The following NSD3 variants were observed in gnomAD, a reference collection of about 807,000 sequenced individuals.
NSD3 encodes the protein histone-lysine N-methyltransferase NSD3.
Under a neutral mutation model 160.8 loss-of-function variants are expected in NSD3, and 24 were observed. The observed-to-expected ratio is 0.15, with a 90% confidence interval of 0.11 to 0.21. The LOEUF (loss-of-function observed/expected upper bound fraction) is 0.21, where lower values mean the gene tolerates loss of function less well. NSD3 is among the 10% of genes least tolerant of loss of function. The probability of loss-of-function intolerance (pLI) is 1.00; values close to 1 mark genes in which losing one functional copy is unlikely to be tolerated. For missense variants in NSD3, 1,157 were observed against 1,735.9 expected, an observed-to-expected ratio of 0.67 and a Z score of 5.93; for synonymous variants, 520 against 600.0, an observed-to-expected ratio of 0.87 and a Z score of 1.95.
intron 1 of NSD3, among the ~76,000 whole-genome samples, chr8:38,375,273 A>G (rs1051604785): frequency 6.6e-6 from 1 of 152,194 alleles, no homozygotes; most frequent in African/African-American, 2.4e-5. Flanking sequence ...ATTAAATATT[A>G]GAAGGGGGAA....
chr8:38,329,933 A>G lies in NSD3; in HGVS notation c.1066-40T>C. ...GAGATTATCAGACATGCTTTACTCTAATAGGTACATTAAAATTGATATGTA... is the reference window on the plus strand; with the variant it reads ...GAGATTATCAGACATGCTTTACTCTGATAGGTACATTAAAATTGATATGTA... On this transcript the variant is annotated intron_variant, in intron 5 of 23. Coordinates refer to ENST00000317025, the MANE Select transcript of NSD3 (RefSeq NM_023034.2). This position sits in a 1 kb window ranked among gnomAD's most constrained non-coding sequence, Gnocchi z 4.8. 1 of 1,515,464 alleles carries G rather than the reference A, an allele frequency of 6.6e-7. No homozygotes were observed. Among genetic ancestry groups the G allele is most frequent in the East Asian group, 2.3e-5 (1 of 44,184 alleles). 93.9% of individuals were successfully genotyped at this position (1,515,464 alleles called of 1,614,324 possible). A position where few individuals can be genotyped will look rare whatever the true frequency, so the allele number is the denominator to read the frequency against.
At chr8:38,352,179 C>T (rs907434706) in intron 1 of NSD3, among the ~76,000 whole-genome samples, 2 of 152,080 alleles carry the variant, frequency 1.3e-5, no homozygotes, top group African/African-American at 4.8e-5. Context: ...AAACAAATAA[C>T]CCCAAACAGC....
At chr8:38,299,649 G>GA (rs1809236383) in intron 14 of NSD3, 59 bp from the exon 15 acceptor site, 2 of 1,443,526 alleles carry the variant, frequency 1.4e-6, no homozygotes, top group Non-Finnish European at 1.8e-6. Flanking sequence ...ATTCCATGAG[G>GA]AAAAAATAAA....
intron 14 of NSD3, among the ~76,000 whole-genome samples, chr8:38,300,080 A>G (rs2131005012): frequency 6.6e-6 from 1 of 152,194 alleles, no homozygotes; most frequent in African/African-American, 2.4e-5. Context: ...ATCTTCAGAC[A>G]TACTCAAAGA....
intron 14 of NSD3, among the ~76,000 whole-genome samples, chr8:38,301,143 G>C (rs893756536): frequency 6.6e-6 from 1 of 151,978 alleles, no homozygotes; most frequent in African/African-American, 2.4e-5. Flanking sequence ...CTACGTTTTT[G>C]ATTTTTTTGT....
At chr8:38,279,886 G>T in intron 20 of NSD3, 1 of 521,882 alleles carries the variant, frequency 1.9e-6, no homozygotes, top group Non-Finnish European at 3.3e-6. Flanking sequence ...TTAGGATAAA[G>T]TGGGATTTAG....
intron 1 of NSD3, among the ~76,000 whole-genome samples, chr8:38,362,797 A>G (rs960616054): frequency 6.6e-6 from 1 of 152,238 alleles, no homozygotes; most frequent in Non-Finnish European, 1.5e-5. Context: ...CAAAACCTAC[A>G]TTCACTATGA....
Position 38,376,439 on chromosome 8 carries a change from C to CT in NSD3, c.-45+5359dup, listed in dbSNP as rs548550847. 8.7e-3 allele frequency among the ~76,000 whole-genome samples: 1,251 copies of CT among 144,612 alleles called. 15 individuals are homozygous for CT. Among genetic ancestry groups the CT allele is most frequent in the South Asian group, 0.041 (186 of 4,532 alleles). 94.9% of individuals were successfully genotyped at this position (144,612 alleles called of 152,430 possible). The stretch of plus-strand genomic sequence containing the variant: ...CATAGGCAGCTCTAATTCTTTCTTT[C>CT]TTTTTTTTTTTTTGAGACAAAGTTT... On this transcript the variant is annotated intron_variant, in intron 1 of 23. Transcript: ENST00000317025.
chr8:38,311,583 C>T (rs1809537218), intron 12 of NSD3, among the ~76,000 whole-genome samples: 1 of 152,174 alleles, frequency 6.6e-6, no homozygotes, highest in South Asian at 2.1e-4. Context: ...AACTCAGCCT[C>T]CCAAAGTGCC....
intron 1 of NSD3, among the ~76,000 whole-genome samples, chr8:38,374,538 C>G (rs1029889098): frequency 1.2e-4 from 19 of 152,090 alleles, no homozygotes; most frequent in African/African-American, 4.6e-4. Flanking sequence ...ATGAAGACTG[C>G]TTGAGCCCAA....
intron 1 of NSD3, among the ~76,000 whole-genome samples, chr8:38,366,995 A>G (rs1289602368): frequency 6.6e-6 from 1 of 152,216 alleles, no homozygotes; most frequent in Admixed American, 6.5e-5. Flanking sequence ...TTAAAAGCTT[A>G]TATTAAATAA....
chr8:38,290,061 C>T (rs1808965176), intron 17 of NSD3, among the ~76,000 whole-genome samples: 2 of 151,852 alleles, frequency 1.3e-5, no homozygotes, highest in Admixed American at 6.6e-5. Flanking sequence ...ATAAAAAGTA[C>T]AAAAATTAGC....
chr8:38,375,620 T>C (rs1165145157), intron 1 of NSD3, among the ~76,000 whole-genome samples: 1 of 152,032 alleles, frequency 6.6e-6, no homozygotes, highest in East Asian at 1.9e-4. Flanking sequence ...GTATAAGCAA[T>C]TTCTTACATT....
intron 17 of NSD3, 152 bp downstream of exon 17, chr8:38,290,323 C>T (rs1808972712): frequency 1.3e-6 from 1 of 765,176 alleles, no homozygotes; most frequent in Admixed American, 2.2e-5. Context: ...TATTTTAAAC[C>T]TGGTTCTAAT....
chr8:38,349,665 T>TTATATATATA lies in NSD3; in HGVS notation c.-44-1460_-44-1451dup, dbSNP rs71519992. ...TATTTTTTTATTGTAATTTCTTTCT[T>TTATATATATA]TATATATATATATATATATATATAT... On this transcript the variant is annotated intron_variant, in intron 1 of 23. Coordinates refer to ENST00000317025, the MANE Select transcript of NSD3 (RefSeq NM_023034.2). Among the ~76,000 whole-genome samples the TTATATATATA allele has an allele frequency of 9.0e-3, 985 of 109,636 alleles. 6 individuals are homozygous for TTATATATATA. The highest frequency in any genetic ancestry group is 0.013 in the African/African-American group (359 of 28,342). 71.9% of individuals were successfully genotyped at this position (109,636 alleles called of 152,430 possible).
In NSD3 at chr8:38,317,920, A is replaced by C; in HGVS notation, c.1855+975T>G. The C allele has an allele frequency of 6.2e-7, 1 of 1,614,090 alleles. No individual in the cohort carries two copies. The highest frequency in any genetic ancestry group is 1.1e-5 in the South Asian group (1 of 91,070). On this transcript the variant is annotated intron_variant, in intron 9 of 23. Coordinates refer to ENST00000317025, the MANE Select transcript of NSD3 (RefSeq NM_023034.2). The surrounding 1 kb of genome is among the most constrained non-coding windows in gnomAD (Gnocchi z 5.3). ...AAAGAAATCTTGCATGGAGACTACA[A>C]GTCTGGAGTTTCTGGGATGAAATTG...
chr8:38,346,284 ATATATAG>A (rs961053206), intron 2 of NSD3, among the ~76,000 whole-genome samples: 14 of 147,800 alleles, frequency 9.5e-5, no homozygotes, highest in South Asian at 6.2e-4. Flanking sequence ...GTATATATAC[ATATATAG>A]TATATAGTAT....
chr8:38,338,305 GA>G (rs201783553), intron 3 of NSD3, among the ~76,000 whole-genome samples: 254 of 96,214 alleles, frequency 2.6e-3, no homozygotes, highest in Admixed American at 4.2e-3. Flanking sequence ...GTCTCAAAAA[GA>G]AAAAAAAAAA....
chr8:38,335,570 T>C (rs943216490), intron 4 of NSD3, among the ~76,000 whole-genome samples: 2 of 152,078 alleles, frequency 1.3e-5, no homozygotes, highest in African/African-American at 4.8e-5. Flanking sequence ...TCTTGGAAAA[T>C]CCTTGTCTTT....
Sources: allele counts gnomAD v4.1 joint callset (sites outside exome capture counted in the v4.1 genomes callset), GRCh38; gene constraint gnomAD v4.1.1; non-coding constraint Gnocchi (gnomAD v3.1); transcripts MANE v1.5; gene names NCBI Gene and HGNC (gene_info 2026-07-23, HGNC 2026-07-21).